The following CHST11 variants were observed in gnomAD, a reference collection of about 807,000 sequenced individuals.
CHST11 encodes C4S-1.
Under a neutral mutation model 30.4 loss-of-function variants are expected in CHST11, and 9 were observed. That is an observed-to-expected ratio of 0.30 (90% CI 0.18 to 0.52). The LOEUF is 0.52. Ranked by LOEUF, CHST11 falls within the 20% of genes least tolerant of loss-of-function variation. CHST11 has a pLI of 0.97. For synonymous variants in CHST11, 152 were observed against 187.8 expected (o/e 0.81, Z 1.56); for missense variants, 348 against 460.6 (o/e 0.76, Z 2.24).
intron 1 of CHST11, among the ~76,000 whole-genome samples, chr12:104,568,251 G>A (rs376663684): frequency 6.6e-6 from 1 of 152,176 alleles, no homozygotes; most frequent in African/African-American, 2.4e-5. Flanking sequence ...TTCCTCTCTT[G>A]CTGCAGTGTG....
intron 1 of CHST11, among the ~76,000 whole-genome samples, chr12:104,590,958 C>A (rs2038851792): frequency 6.6e-6 from 1 of 151,728 alleles, no homozygotes; most frequent in African/African-American, 2.4e-5. Context: ...ATGGGAGGAA[C>A]AGGAGAGAGA....
chr12:104,673,622 T>C (rs2039715596), intron 2 of CHST11, among the ~76,000 whole-genome samples: 1 of 152,220 alleles, frequency 6.6e-6, no homozygotes, highest in African/African-American at 2.4e-5. Context: ...GTGATTATCA[T>C]CATGGCATCA....
At chr12:104,706,916 G>A (rs898007913) in intron 2 of CHST11, among the ~76,000 whole-genome samples, 1 of 152,184 alleles carries the variant, frequency 6.6e-6, no homozygotes, top group African/African-American at 2.4e-5. Context: ...TCGGGAGGAG[G>A]ATGGGATCAC....
chr12:104,525,590 A>G (rs1488199956), intron 1 of CHST11, among the ~76,000 whole-genome samples: 1 of 152,228 alleles, frequency 6.6e-6, no homozygotes, highest in Non-Finnish European at 1.5e-5. Context: ...TAAAATGGGA[A>G]TAACAACAGT....
intron 2 of CHST11, among the ~76,000 whole-genome samples, chr12:104,708,823 G>T (rs2040059868): frequency 6.6e-6 from 1 of 152,228 alleles, no homozygotes; most frequent in Non-Finnish European, 1.5e-5. Flanking sequence ...CCAGCACGAT[G>T]ACCCTGTATT....
intron 1 of CHST11, among the ~76,000 whole-genome samples, chr12:104,468,417 A>G (rs777486109): frequency 5.9e-5 from 9 of 152,236 alleles, no homozygotes; most frequent in Non-Finnish European, 8.8e-5. Context: ...ATAGAGCATT[A>G]TCACTTGTCT....
In CHST11 at chr12:104,695,810, G is replaced by A. The variant is rs182819695; in HGVS notation, c.205-61139G>A. ...TCTTGTGGGTAGCTGGCATTGCCAC[G>A]TACAGAGTAACTTGGACGTGACGCT... On this transcript the variant is annotated intron_variant, in intron 2 of 2. Coordinates refer to ENST00000303694, the MANE Select transcript of CHST11 (RefSeq NM_018413.6). Among the ~76,000 whole-genome samples the A allele has an allele frequency of 3.8e-3, 576 of 152,256 alleles. 3 individuals are homozygous for A. Among genetic ancestry groups the A allele is most frequent in the African/African-American group, 0.013 (545 of 41,524 alleles).
intron 2 of CHST11, among the ~76,000 whole-genome samples, chr12:104,674,968 G>C (rs539663521): frequency 2.0e-5 from 3 of 152,164 alleles, no homozygotes; most frequent in African/African-American, 4.8e-5. Flanking sequence ...AACAGGTCCT[G>C]ATACATAGTG....
chr12:104,599,438 A>G (rs536413441), intron 1 of CHST11, among the ~76,000 whole-genome samples: 8 of 152,282 alleles, frequency 5.3e-5, no homozygotes, highest in Non-Finnish European at 1.0e-4. Flanking sequence ...GCATGGGCAT[A>G]ATTTTACGAG....
chr12:104,556,937 C>T (rs1404197864), intron 1 of CHST11, among the ~76,000 whole-genome samples: 2 of 149,948 alleles, frequency 1.3e-5, no homozygotes, highest in Non-Finnish European at 3.0e-5. Flanking sequence ...GCTAAGATTG[C>T]ACCATTGCGC....
At chr12:104,566,047 C>A (rs947986077) in intron 1 of CHST11, among the ~76,000 whole-genome samples, 4 of 152,208 alleles carry the variant, frequency 2.6e-5, no homozygotes, top group Admixed American at 6.5e-5. Context: ...GTTCTAGATT[C>A]TCTGGACACA....
chr12:104,628,857 TTA>T (rs1337757746), intron 2 of CHST11, among the ~76,000 whole-genome samples: 1 of 152,204 alleles, frequency 6.6e-6, no homozygotes, highest in Non-Finnish European at 1.5e-5. Flanking sequence ...TGTAATTATT[TTA>T]TGACTTTCTG....
At chr12:104,736,325 A>C (rs1325946420) in intron 2 of CHST11, among the ~76,000 whole-genome samples, 1 of 152,128 alleles carries the variant, frequency 6.6e-6, no homozygotes. Flanking sequence ...GGAAGAAGAG[A>C]GAGAGAAGAG....
At chr12:104,587,338 T>C (rs1179970092) in intron 1 of CHST11, among the ~76,000 whole-genome samples, 1 of 152,254 alleles carries the variant, frequency 6.6e-6, no homozygotes, top group Non-Finnish European at 1.5e-5. Context: ...AAATGTCATC[T>C]ATTTACAGTT....
chr12:104,599,030 A>G (rs1344873375), intron 1 of CHST11, among the ~76,000 whole-genome samples: 2 of 152,198 alleles, frequency 1.3e-5, no homozygotes, highest in Non-Finnish European at 2.9e-5. Flanking sequence ...TATCTGTAAA[A>G]TGCAGGTACT....
At chr12:104,491,962 C>T (rs1436648721) in intron 1 of CHST11, among the ~76,000 whole-genome samples, 1 of 152,178 alleles carries the variant, frequency 6.6e-6, no homozygotes, top group Non-Finnish European at 1.5e-5. Context: ...TCTAAAACTG[C>T]CTCAGGTCAT....
chr12:104,480,608 T>C (rs932719286), intron 1 of CHST11, among the ~76,000 whole-genome samples: 2 of 148,638 alleles, frequency 1.3e-5, no homozygotes, highest in African/African-American at 2.5e-5. Context: ...GATGAAGTCA[T>C]ATTAGAGGAC....
chr12:104,514,466 C>A, intron 1 of CHST11: 1 of 753,408 alleles, frequency 1.3e-6, no homozygotes, highest in Admixed American at 1.8e-5. Context: ...CCTGCCTGTC[C>A]CTGCTGCTAC....
chr12:104,657,665 A>G (rs2039558463), intron 2 of CHST11, among the ~76,000 whole-genome samples: 1 of 152,068 alleles, frequency 6.6e-6, no homozygotes, highest in Non-Finnish European at 1.5e-5. Flanking sequence ...TTTTGGAAGG[A>G]TTTTCTCTGT....
Sources: gnomAD v4.1 joint callset for allele counts (sites outside exome capture counted in the v4.1 genomes callset) on GRCh38, gnomAD v4.1.1 for gene constraint, MANE v1.5 for transcripts, NCBI Gene and HGNC (gene_info 2026-07-23, HGNC 2026-07-21) for gene names.